SFI1: variants seen among roughly 807,000 people sequenced by gnomAD.
SFI1 encodes the protein protein SFI1 homolog.
Under a neutral mutation model 207.5 loss-of-function variants are expected in SFI1, and 195 were observed. The ratio of observed to expected loss-of-function variants is 0.94; its 90% confidence interval spans 0.84 to 1.06. The LOEUF (loss-of-function observed/expected upper bound fraction) is 1.06, where lower values mean the gene tolerates loss of function less well. SFI1 is among the 50% of genes least tolerant of loss of function. The probability of loss-of-function intolerance (pLI) is 0.00; values close to 1 mark genes in which losing one functional copy is unlikely to be tolerated. For synonymous variants in SFI1, 630 were observed against 598.9 expected, an observed-to-expected ratio of 1.05 and a Z score of -0.76; for missense variants, 1,634 against 1,588.0, an observed-to-expected ratio of 1.03 and a Z score of -0.49.
intron 2 of SFI1, among the ~76,000 whole-genome samples, chr22:31,510,607 T>C (rs1055630042): frequency 6.6e-6 from 1 of 152,050 alleles, no homozygotes; most frequent in African/African-American, 2.4e-5. Context: ...CTAATTTTTG[T>C]ATTTTTATTA....
chr22:31,503,393 C>T (rs1015596793), intron 1 of SFI1, among the ~76,000 whole-genome samples: 38 of 152,028 alleles, frequency 2.5e-4, no homozygotes, highest in African/African-American at 8.5e-4. Flanking sequence ...TTTTCATTTC[C>T]TCAAACCTGT....
rs78730263 is a variant in SFI1 at position 31,546,933 on chromosome 22, C to G, written c.411C>G (p.His137Gln). ...EWKEEWWVFQ[H>Q]EWKLCVRADC... ...AAGAGGAGTGGTGGGTTTTCCAGCACGAGTGGAAACTCTGTGTTCGAGCTG... is the reference window on the plus strand; with the variant it reads ...AAGAGGAGTGGTGGGTTTTCCAGCAGGAGTGGAAACTCTGTGTTCGAGCTG... The change falls in exon 5 of 33, where the codon CAC (histidine) becomes CAG (glutamine). Residue 137 changes from histidine to glutamine, a missense_variant. Transcript: ENST00000400288. 1.8e-5 allele frequency: 29 copies of G among 1,611,782 alleles called. 1 individual carries two copies. The Middle Eastern group carries it at 5.0e-4, about 28-fold the overall frequency.
chr22:31,545,955 C>T (rs2060047685), intron 4 of SFI1, among the ~76,000 whole-genome samples: 1 of 145,468 alleles, frequency 6.9e-6, no homozygotes, highest in South Asian at 2.2e-4. Context: ...TACAGTGGTG[C>T]AATCTCAGTT....
chr22:31,497,824 GA>G, intron 1 of SFI1, among the ~76,000 whole-genome samples: 1 of 152,172 alleles, frequency 6.6e-6, no homozygotes, highest in Middle Eastern at 3.4e-3. Context: ...CTACTGTTCA[GA>G]AAAAAGGATT....
chr22:31,533,908 C>G (rs1193123765), intron 4 of SFI1, among the ~76,000 whole-genome samples: 1 of 152,072 alleles, frequency 6.6e-6, no homozygotes, highest in Non-Finnish European at 1.5e-5. Context: ...CTGTTTTACT[C>G]TTCCTTTACT....
chr22:31,563,142 G>A (rs2148323500), intron 8 of SFI1, among the ~76,000 whole-genome samples: 1 of 151,830 alleles, frequency 6.6e-6, no homozygotes, highest in Middle Eastern at 3.4e-3. Context: ...TCAGACGCAT[G>A]CCGCCACGCC....
intron 2 of SFI1, among the ~76,000 whole-genome samples, chr22:31,515,732 C>T (rs2056395318): frequency 7.1e-6 from 1 of 141,232 alleles, no homozygotes; most frequent in Non-Finnish European, 1.6e-5. Flanking sequence ...TGGCTTAGTA[C>T]CTTTTTTTTT....
chr22:31,604,437 G>A, intron 19 of SFI1, 33 bp downstream of exon 19: 6 of 1,466,260 alleles, frequency 4.1e-6, no homozygotes, highest in Non-Finnish European at 5.4e-6. Flanking sequence ...TGATCTTGCT[G>A]TGGGGACAGG....
chr22:31,560,942 A>G (rs1036416939), intron 7 of SFI1, among the ~76,000 whole-genome samples: 2 of 152,044 alleles, frequency 1.3e-5, no homozygotes, highest in Admixed American at 6.6e-5. Context: ...ACCTCAGGTA[A>G]TCCACTCTCC....
At chr22:31,575,762 T>C (rs2063413559) in intron 10 of SFI1, among the ~76,000 whole-genome samples, 1 of 152,198 alleles carries the variant, frequency 6.6e-6, no homozygotes, top group Non-Finnish European at 1.5e-5. Flanking sequence ...CTCTACCCAC[T>C]AGGTGGTGGA....
At chr22:31,558,137 T>C (rs2061347401) in intron 7 of SFI1, among the ~76,000 whole-genome samples, 1 of 152,202 alleles carries the variant, frequency 6.6e-6, no homozygotes, top group Non-Finnish European at 1.5e-5. Flanking sequence ...AGTTACACCA[T>C]ACTTAAAGGT....
rs1380500056 is a variant in SFI1, at chr22:31,508,271, A to G, written c.-14A>G. 2 of 1,582,974 alleles carry G rather than the reference A, an allele frequency of 1.3e-6. No homozygotes were observed. The highest frequency in any genetic ancestry group is 1.1e-5 in the South Asian group (1 of 90,268). On this transcript the variant is annotated 5_prime_UTR_variant, in exon 2 of 33. Coordinates refer to ENST00000400288, the MANE Select transcript of SFI1 (RefSeq NM_001007467.3). The stretch of plus-strand genomic sequence containing the variant: ...TTCTTGTAGTTAGAAGGGGAAGATA[A>G]AAGACTTTGATTCATGAAGAATCTG...
At chr22:31,614,058 C>A in intron 27 of SFI1, 1 of 675,784 alleles carries the variant, frequency 1.5e-6, no homozygotes, top group Non-Finnish European at 2.3e-6. Context: ...GATTTCCAAA[C>A]CCTCTCTCCT....
chr22:31,549,340 A>G (rs1400128869), intron 5 of SFI1, among the ~76,000 whole-genome samples: 1 of 145,880 alleles, frequency 6.9e-6, no homozygotes, highest in Non-Finnish European at 1.5e-5. Context: ...TCCAAACATC[A>G]TGGATTTTTT....
At chr22:31,511,848 C>T (rs112161440) in intron 2 of SFI1, among the ~76,000 whole-genome samples, 4,315 of 151,930 alleles carry the variant, frequency 0.028, 103 homozygotes, top group South Asian at 0.078. Flanking sequence ...GAAGGAGCTT[C>T]GCCATGTTGG....
rs1275500250 is a variant in SFI1, at chr22:31,614,908, G to T, written c.3068+48G>T. 5.6e-6 allele frequency: 9 copies of T among 1,604,026 alleles called. No homozygotes were observed. In the Admixed American group the frequency reaches 1.0e-4, roughly 18 times the overall value. On this transcript the variant is annotated intron_variant, in intron 28 of 32. Transcript: ENST00000400288. ...GGCAGGCAGGGGGAGATGGTCAGGGGTCCCCAAAGGCAGCGGGCACCTCCA... is the reference window on the plus strand; with the variant it reads ...GGCAGGCAGGGGGAGATGGTCAGGGTTCCCCAAAGGCAGCGGGCACCTCCA...
chr22:31,611,904 G>T, intron 24 of SFI1, 64 bp downstream of exon 24: 1 of 1,599,220 alleles, frequency 6.3e-7, no homozygotes. Context: ...TGAGGCCTGG[G>T]CAGTGAATGA....
chr22:31,617,179 C>T (rs2071719752), intron 31 of SFI1, 101 bp downstream of exon 31: 1 of 1,284,310 alleles, frequency 7.8e-7, no homozygotes, highest in South Asian at 1.3e-5. Flanking sequence ...CTGCCAGGGT[C>T]CTGTAGGTGG....
intron 11 of SFI1, among the ~76,000 whole-genome samples, chr22:31,579,616 A>C (rs1355283804): frequency 2.0e-5 from 3 of 152,024 alleles, no homozygotes; most frequent in African/African-American, 7.2e-5. Context: ...CGCCCGGCCT[A>C]ATTTTTTAGT....
Sources: allele counts gnomAD v4.1 joint callset (sites outside exome capture counted in the v4.1 genomes callset), GRCh38; gene constraint gnomAD v4.1.1; transcripts MANE v1.5; gene names NCBI Gene and HGNC (gene_info 2026-07-23, HGNC 2026-07-21).